GALNTL6: variants seen among roughly 807,000 people sequenced by gnomAD.
GALNTL6 encodes polypeptide N-acetylgalactosaminyltransferase-like 6.
GALNTL6 carries 46 observed loss-of-function variants against 73.7 expected under a neutral mutation model. The ratio of observed to expected loss-of-function variants is 0.62; its 90% CI spans 0.49 to 0.80. GALNTL6 has a LOEUF of 0.80. Among genes scored for constraint, GALNTL6 ranks in the 30% least tolerant of loss-of-function variants. GALNTL6 has a pLI of 0.00. For missense variants in GALNTL6, 604 were observed against 755.0 expected (o/e 0.80, Z 2.34); for synonymous variants, 259 against 263.7 (o/e 0.98, Z 0.17).
In GALNTL6 at chr4:172,327,273, G is replaced by T. The variant is rs571068063; in HGVS notation, c.386+15521G>T. Among the ~76,000 whole-genome samples the T allele has an allele frequency of 1.1e-4, 16 of 152,124 alleles. No individual in the cohort carries two copies. In the South Asian group the frequency reaches 3.3e-3, roughly 32 times the overall value. On this transcript the variant is annotated intron_variant, in intron 4 of 12. Transcript: ENST00000506823. ...TGTGGTCCAAGAGTGTGTTTCATAT[G>T]ATTTCAGTTCTTTTATATTTGCTAA...
At chr4:172,240,390 A>ATT (rs879731574) in intron 3 of GALNTL6, among the ~76,000 whole-genome samples, 6 of 144,308 alleles carry the variant, frequency 4.2e-5, no homozygotes, top group Admixed American at 1.4e-4. Flanking sequence ...TGCCCGGCTA[A>ATT]TTTTTTTTTT....
chr4:172,198,112 A>C (rs10000476), intron 2 of GALNTL6, among the ~76,000 whole-genome samples: 6,377 of 152,166 alleles, frequency 0.042, 417 homozygotes, highest in African/African-American at 0.14. Context: ...CTCTGTCAAA[A>C]AAACAAACAA....
In GALNTL6 at chr4:172,070,212, C is replaced by T. The variant is rs1158925025; in HGVS notation, c.139-159444C>T. On this transcript the variant is annotated intron_variant, in intron 2 of 12. Coordinates refer to ENST00000506823, the MANE Select transcript of GALNTL6 (RefSeq NM_001034845.3). ...CAAATCATACTATTGTTCATAGCTG[C>T]TTATTGGCATTTCAGATTTGGGAAT... 1.8e-5 allele frequency among the ~76,000 whole-genome samples: 2 copies of T among 110,122 alleles called. 1 individual carries two copies. Among genetic ancestry groups the T allele is most frequent in the Non-Finnish European group, 4.0e-5 (2 of 49,498 alleles). The allele number at this position is 110,122 out of a possible 152,430, so 72.2% of individuals were successfully genotyped here. A position where few individuals can be genotyped will look rare whatever the true frequency, so the allele number is the denominator to read the frequency against.
At chr4:172,212,268 T>G (rs1376599488) in intron 2 of GALNTL6, among the ~76,000 whole-genome samples, 1 of 152,090 alleles carries the variant, frequency 6.6e-6, no homozygotes, top group Non-Finnish European at 1.5e-5. Context: ...TTCAAGCGAT[T>G]CCCCTGCCTC....
intron 2 of GALNTL6, among the ~76,000 whole-genome samples, chr4:171,943,473 A>G (rs1403559675): frequency 6.6e-6 from 1 of 152,186 alleles, no homozygotes; most frequent in Non-Finnish European, 1.5e-5. Flanking sequence ...AATATTACAT[A>G]TTAAATGTTT....
At chr4:172,358,319 G>A (rs1742239028) in intron 5 of GALNTL6, among the ~76,000 whole-genome samples, 1 of 152,170 alleles carries the variant, frequency 6.6e-6, no homozygotes, top group Admixed American at 6.5e-5. Flanking sequence ...GAAAGGGTAG[G>A]AAAAATAAGT....
At position 173,021,541 on chromosome 4, in the gene GALNTL6, C is replaced by T; in HGVS notation, c.1554C>T (p.Cys518=). 1 of 1,614,114 alleles carries T rather than the reference C, an allele frequency of 6.2e-7. No individual in the cohort carries two copies. The highest frequency in any genetic ancestry group is 8.5e-7 in the Non-Finnish European group (1 of 1,179,980). The stretch of plus-strand genomic sequence containing the variant: ...AGCCACTGCATACCCGGAAATTCTG[C>T]TTTGATGCGATCTCACACAACAGCC... The part of the protein sequence containing the change: ...PGEPLHTRKF[C]FDAISHNSPV... The change falls in exon 12 of 13, where the codon TGC becomes TGT. Residue 518 remains cysteine, a synonymous_variant. Coordinates refer to ENST00000506823, the MANE Select transcript of GALNTL6 (RefSeq NM_001034845.3).
At chr4:172,875,937 A>G (rs774495911) in intron 7 of GALNTL6, among the ~76,000 whole-genome samples, 2 of 152,176 alleles carry the variant, frequency 1.3e-5, no homozygotes, top group Non-Finnish European at 2.9e-5. Context: ...ACAGTTTTCA[A>G]TTTCATCTCA....
chr4:173,018,072 C>A (rs1752852432), intron 11 of GALNTL6, among the ~76,000 whole-genome samples: 1 of 152,078 alleles, frequency 6.6e-6, no homozygotes, highest in African/African-American at 2.4e-5. Context: ...GTATAAAAAC[C>A]AAAGACAGAG....
chr4:172,755,072 A>C (rs193199631), intron 5 of GALNTL6, among the ~76,000 whole-genome samples: 110 of 152,222 alleles, frequency 7.2e-4, no homozygotes, highest in African/African-American at 2.6e-3. Context: ...CTTACTTACT[A>C]ATACTATTTT....
chr4:172,181,882 A>G (rs1735256859), intron 2 of GALNTL6, among the ~76,000 whole-genome samples: 1 of 151,202 alleles, frequency 6.6e-6, no homozygotes, highest in Non-Finnish European at 1.5e-5. Context: ...CGCCCGGCTA[A>G]TTTTTTTTGT....
chr4:171,973,327 T>A (rs1440582468), intron 2 of GALNTL6, among the ~76,000 whole-genome samples: 1 of 152,156 alleles, frequency 6.6e-6, no homozygotes, highest in African/African-American at 2.4e-5. Context: ...ACAATAGAAA[T>A]GTATTTTCTC....
chr4:172,309,138 T>A (rs546399199), intron 3 of GALNTL6, among the ~76,000 whole-genome samples: 23 of 152,284 alleles, frequency 1.5e-4, no homozygotes, highest in African/African-American at 5.3e-4. Context: ...GATTTTTGTT[T>A]CTTTTCCTTT....
intron 5 of GALNTL6, among the ~76,000 whole-genome samples, chr4:172,392,030 C>A (rs1743680534): frequency 6.6e-6 from 1 of 152,018 alleles, no homozygotes; most frequent in Non-Finnish European, 1.5e-5. Flanking sequence ...GCTCTGTAGC[C>A]CAGGCTGGAA....
chr4:172,144,983 G>A (rs1178645321), intron 2 of GALNTL6, among the ~76,000 whole-genome samples: 2 of 151,812 alleles, frequency 1.3e-5, no homozygotes, highest in Non-Finnish European at 2.9e-5. Context: ...TTTGAGACAG[G>A]ATCTTTCTCT....
chr4:171,952,508 TA>T (rs1738916145), intron 2 of GALNTL6, among the ~76,000 whole-genome samples: 1 of 152,102 alleles, frequency 6.6e-6, no homozygotes, highest in Non-Finnish European at 1.5e-5. Context: ...TAGTGATGTG[TA>T]AAAATTTCAA....
chr4:172,690,162 A>C (rs1004804144), intron 5 of GALNTL6, among the ~76,000 whole-genome samples: 20 of 152,304 alleles, frequency 1.3e-4, no homozygotes, highest in Non-Finnish European at 2.2e-4. Flanking sequence ...ACTCAATTCC[A>C]TGGATTTAAT....
chr4:172,258,774 T>C (rs983345484), intron 3 of GALNTL6, among the ~76,000 whole-genome samples: 1 of 151,086 alleles, frequency 6.6e-6, no homozygotes, highest in Non-Finnish European at 1.5e-5. Context: ...GTGTCCCCAA[T>C]GTCCATTATA....
In GALNTL6 at chr4:172,985,026, G is replaced by C. The variant is rs78996408; in HGVS notation, c.1372-24152G>C. ...TAATACTGATGGCCTTGAATAAAGT[G>C]CTTAAGGCCAGGCTCTAAAAAATAA... On this transcript the variant is annotated intron_variant, in intron 10 of 12. Transcript: ENST00000506823. 0.014 allele frequency among the ~76,000 whole-genome samples: 2,068 copies of C among 152,168 alleles called. 115 individuals are homozygous for C. The East Asian group carries it at 0.19, about 14-fold the overall frequency.
Sources: allele counts gnomAD v4.1 joint callset (sites outside exome capture counted in the v4.1 genomes callset), GRCh38; gene constraint gnomAD v4.1.1; transcripts MANE v1.5; gene names NCBI Gene and HGNC (gene_info 2026-07-23, HGNC 2026-07-21).